PACRG: variants seen among roughly 807,000 people sequenced by gnomAD.
PACRG encodes the protein parkin coregulated gene protein.
Under a neutral mutation model 29.7 loss-of-function variants are expected in PACRG, and 29 were observed. The ratio of observed to expected loss-of-function variants is 0.98; its 90% CI spans 0.73 to 1.33. The LOEUF (loss-of-function observed/expected upper bound fraction) is 1.33. Ranked by LOEUF, PACRG falls within the 40% of genes most tolerant of loss-of-function variation. The pLI is 0.00. For synonymous variants in PACRG, 116 were observed against 118.7 expected, an observed-to-expected ratio of 0.98 and a Z score of 0.15; for missense variants, 279 against 316.2, an observed-to-expected ratio of 0.88 and a Z score of 0.89.
chr6:162,854,365 C>T (rs943510891), intron 2 of PACRG, among the ~76,000 whole-genome samples: 1 of 152,048 alleles, frequency 6.6e-6, no homozygotes, highest in Non-Finnish European at 1.5e-5. Flanking sequence ...CTGCATAGTT[C>T]CACAAAAGAA....
intron 4 of PACRG, among the ~76,000 whole-genome samples, chr6:163,205,388 T>G: frequency 6.6e-6 from 1 of 152,044 alleles, no homozygotes; most frequent in Non-Finnish European, 1.5e-5. Flanking sequence ...TGGAACAGAA[T>G]AGACAGCCCA....
At chr6:163,031,552 C>G (rs945739012) in intron 2 of PACRG, among the ~76,000 whole-genome samples, 2 of 152,146 alleles carry the variant, frequency 1.3e-5, no homozygotes, top group Non-Finnish European at 2.9e-5. Flanking sequence ...TTGCAGTTTC[C>G]CATTTTTACT....
chr6:163,218,876 A>T (rs1221785755), intron 4 of PACRG, among the ~76,000 whole-genome samples: 1 of 152,340 alleles, frequency 6.6e-6, no homozygotes, highest in Middle Eastern at 3.4e-3. Flanking sequence ...ACAATGTCTG[A>T]AGACACTTTT....
chr6:162,899,947 C>T (rs1220408936), intron 2 of PACRG, among the ~76,000 whole-genome samples: 1 of 152,062 alleles, frequency 6.6e-6, no homozygotes, highest in African/African-American at 2.4e-5. Context: ...GGGTCTGCAC[C>T]CGTCACCGTC....
At chr6:163,165,839 A>C in intron 4 of PACRG, 1 of 336,172 alleles carries the variant, frequency 3.0e-6, no homozygotes, top group Non-Finnish European at 5.8e-6. Context: ...GGGAGGCCTC[A>C]TTTAGGACAG....
intron 1 of PACRG, among the ~76,000 whole-genome samples, chr6:162,771,286 A>G (rs1029886204): frequency 2.6e-4 from 39 of 152,306 alleles, no homozygotes; most frequent in African/African-American, 9.1e-4. Flanking sequence ...ACCTACTAAT[A>G]TTTAAACTTT....
At chr6:162,933,854 G>T (rs1279592205) in intron 2 of PACRG, among the ~76,000 whole-genome samples, 1 of 152,172 alleles carries the variant, frequency 6.6e-6, no homozygotes, top group East Asian at 1.9e-4. Flanking sequence ...CATCATGGTG[G>T]AAGGCAAAGG....
At chr6:162,846,131 G>C (rs922406643) in intron 2 of PACRG, among the ~76,000 whole-genome samples, 2 of 152,098 alleles carry the variant, frequency 1.3e-5, no homozygotes, top group Non-Finnish European at 2.9e-5. Flanking sequence ...TCTCTAAGGG[G>C]AGCTGGGCAG....
At chr6:162,856,370 T>C (rs1474885688) in intron 2 of PACRG, among the ~76,000 whole-genome samples, 1 of 152,188 alleles carries the variant, frequency 6.6e-6, no homozygotes, top group Non-Finnish European at 1.5e-5. Context: ...AAAACTGCAT[T>C]GTGCATATAG....
intron 4 of PACRG, among the ~76,000 whole-genome samples, chr6:163,236,509 G>A (rs1782244315): frequency 6.6e-6 from 1 of 152,182 alleles, no homozygotes; most frequent in South Asian, 2.1e-4. Context: ...TCTCACACAA[G>A]TGCAGATGAA....
chr6:162,950,025 G>A (rs192045264), intron 2 of PACRG, among the ~76,000 whole-genome samples: 2,131 of 152,080 alleles, frequency 0.014, 24 homozygotes, highest in Non-Finnish European at 0.022. Flanking sequence ...ATTTTGCAAT[G>A]GTACATATTT....
At chr6:163,132,494 C>G (rs1284639222) in intron 4 of PACRG, among the ~76,000 whole-genome samples, 3 of 152,176 alleles carry the variant, frequency 2.0e-5, no homozygotes, top group Admixed American at 6.5e-5. Context: ...TTTCTATATC[C>G]ATTTCCTCTA....
intron 2 of PACRG, among the ~76,000 whole-genome samples, chr6:162,996,643 TA>T (rs1347902603): frequency 1.3e-5 from 2 of 152,168 alleles, no homozygotes; most frequent in African/African-American, 4.8e-5. Flanking sequence ...TGCCAAATTT[TA>T]AAAATAGCAT....
intron 4 of PACRG, among the ~76,000 whole-genome samples, chr6:163,211,530 T>C (rs1484517985): frequency 6.6e-6 from 1 of 152,222 alleles, no homozygotes; most frequent in African/African-American, 2.4e-5. Context: ...ACTTAGAATC[T>C]AGGCATATAT....
chr6:163,020,213 A>G (rs2128219735), intron 2 of PACRG, among the ~76,000 whole-genome samples: 1 of 152,358 alleles, frequency 6.6e-6, no homozygotes, highest in Non-Finnish European at 1.5e-5. Context: ...GAACTTAATT[A>G]AAACAGTTTT....
intron 4 of PACRG, chr6:163,191,934 C>G: frequency 2.7e-6 from 1 of 368,752 alleles, no homozygotes; most frequent in South Asian, 2.0e-5. Flanking sequence ...AATGTCCCAT[C>G]CCCTCCCGAA....
chr6:163,313,695 G>A (rs1028116622), intron 4 of PACRG: 9 of 152,138 alleles, frequency 5.9e-5, no homozygotes, highest in Non-Finnish European at 5.9e-5. Context: ...AAGGTCCCTG[G>A]CCCCATGGCA....
chr6:162,944,552 A>G (rs1798861790), intron 2 of PACRG, among the ~76,000 whole-genome samples: 1 of 152,198 alleles, frequency 6.6e-6, no homozygotes, highest in Admixed American at 6.5e-5. Flanking sequence ...GTGAAAGAAA[A>G]CAGATAAATA....
chr6:162,786,215 G>A (rs1784456390), intron 1 of PACRG, among the ~76,000 whole-genome samples: 1 of 152,206 alleles, frequency 6.6e-6, no homozygotes, highest in Non-Finnish European at 1.5e-5. Flanking sequence ...CAGCTTTGAG[G>A]TATAAACAGT....
Sources: allele counts gnomAD v4.1 joint callset (sites outside exome capture counted in the v4.1 genomes callset), GRCh38; gene constraint gnomAD v4.1.1; transcripts MANE v1.5; gene names NCBI Gene and HGNC (gene_info 2026-07-23, HGNC 2026-07-21).